The following DSCAML1 variants were observed in gnomAD, a reference collection of about 807,000 sequenced individuals.
DSCAML1 encodes the protein cell adhesion molecule DSCAML1.
A neutral mutation model predicts 200.5 loss-of-function variants in DSCAML1; 38 were observed. The ratio of observed to expected loss-of-function variants is 0.19; its 90% CI spans 0.15 to 0.25. The LOEUF (loss-of-function observed/expected upper bound fraction) is 0.25, where lower values mean the gene tolerates loss of function less well. Ranked by LOEUF, DSCAML1 falls within the 10% of genes least tolerant of loss-of-function variation. The pLI is 1.00. For missense variants in DSCAML1, 2,223 were observed against 2,858.8 expected (o/e 0.78, Z 5.07); for synonymous variants, 1,215 against 1,165.0 (o/e 1.04, Z -0.87).
intron 3 of DSCAML1, among the ~76,000 whole-genome samples, chr11:117,708,468 C>T (rs972600511): frequency 6.6e-6 from 1 of 152,200 alleles, no homozygotes; most frequent in Non-Finnish European, 1.5e-5. Context: ...TAACCTAAGC[C>T]TCAATTTTCT....
chr11:117,572,835 C>T (rs1853491198), intron 3 of DSCAML1, among the ~76,000 whole-genome samples: 2 of 152,180 alleles, frequency 1.3e-5, no homozygotes. Context: ...GCCCACCCTC[C>T]TGCCCTGGAG....
At chr11:117,600,096 G>C (rs931825827) in intron 3 of DSCAML1, among the ~76,000 whole-genome samples, 4 of 152,232 alleles carry the variant, frequency 2.6e-5, no homozygotes, top group Non-Finnish European at 2.9e-5. Flanking sequence ...AGAAGGGAAT[G>C]AGTCTTCATA....
chr11:117,660,016 A>C (rs976651390), intron 3 of DSCAML1, among the ~76,000 whole-genome samples: 1 of 151,906 alleles, frequency 6.6e-6, no homozygotes, highest in Non-Finnish European at 1.5e-5. Context: ...GAGCCACTAC[A>C]CCCGGCCTCT....
intron 3 of DSCAML1, among the ~76,000 whole-genome samples, chr11:117,732,718 C>T (rs558160120): frequency 6.6e-5 from 10 of 152,238 alleles, no homozygotes; most frequent in South Asian, 2.1e-4. Context: ...TCTCTCCTTC[C>T]GGAAAGAGCA....
intron 3 of DSCAML1, among the ~76,000 whole-genome samples, chr11:117,697,522 A>G (rs917513050): frequency 2.0e-5 from 3 of 152,180 alleles, no homozygotes; most frequent in African/African-American, 2.4e-5. Flanking sequence ...TTGTGCAATA[A>G]CCATCGTTAT....
At chr11:117,457,943 A>G (rs1193790786) in intron 19 of DSCAML1, among the ~76,000 whole-genome samples, 1 of 152,204 alleles carries the variant, frequency 6.6e-6, no homozygotes, top group Non-Finnish European at 1.5e-5. Flanking sequence ...CTCTTCTAGT[A>G]ACGGGGCACC....
chr11:117,474,757 CT>C (rs1203423601), intron 14 of DSCAML1, among the ~76,000 whole-genome samples: 2,746 of 141,188 alleles, frequency 0.019, 61 homozygotes, highest in African/African-American at 0.059. Context: ...TCCTTTTTTC[CT>C]TTTTTTTTTT....
At chr11:117,750,241 G>A (rs1412118361) in intron 3 of DSCAML1, among the ~76,000 whole-genome samples, 2 of 152,226 alleles carry the variant, frequency 1.3e-5, no homozygotes, top group East Asian at 1.9e-4. Flanking sequence ...CAGCCTGCAC[G>A]CTGCACACCC....
intron 11 of DSCAML1, among the ~76,000 whole-genome samples, chr11:117,490,713 G>C (rs567745336): frequency 1.3e-5 from 2 of 152,386 alleles, no homozygotes; most frequent in African/African-American, 4.8e-5. Context: ...CAGCTGGTGA[G>C]TGGCAGGAAG....
At chr11:117,737,140 T>C (rs2054331862) in intron 3 of DSCAML1, among the ~76,000 whole-genome samples, 1 of 152,204 alleles carries the variant, frequency 6.6e-6, no homozygotes, top group Admixed American at 6.5e-5. Context: ...CACGGTCCTA[T>C]GAATCGGGAA....
chr11:117,759,125 T>C (rs748746527), intron 3 of DSCAML1, among the ~76,000 whole-genome samples: 1 of 152,186 alleles, frequency 6.6e-6, no homozygotes, highest in Non-Finnish European at 1.5e-5. Context: ...CCTCACCCTG[T>C]AGCAGGATGC....
At chr11:117,578,258 A>AG (rs1166442597) in intron 3 of DSCAML1, among the ~76,000 whole-genome samples, 2 of 146,632 alleles carry the variant, frequency 1.4e-5, no homozygotes, top group Admixed American at 6.8e-5. Context: ...AAAAAAAAAG[A>AG]AGAAAAATCT....
chr11:117,686,251 A>C (rs2053399449), intron 3 of DSCAML1, among the ~76,000 whole-genome samples: 1 of 152,226 alleles, frequency 6.6e-6, no homozygotes, highest in Non-Finnish European at 1.5e-5. Context: ...AGGGTGTCCC[A>C]GTACTGACCT....
intron 11 of DSCAML1, among the ~76,000 whole-genome samples, chr11:117,484,177 C>T (rs1379858952): frequency 6.6e-6 from 1 of 152,138 alleles, no homozygotes; most frequent in Non-Finnish European, 1.5e-5. Context: ...TCCCAGCAAA[C>T]TCTCCAGGGA....
At chr11:117,696,830 A>G (rs1348513714) in intron 3 of DSCAML1, among the ~76,000 whole-genome samples, 1 of 152,134 alleles carries the variant, frequency 6.6e-6, no homozygotes, top group Non-Finnish European at 1.5e-5. Flanking sequence ...CTCACTTCCA[A>G]CATGTTCAAT....
chr11:117,720,569 A>G (rs2054026335), intron 3 of DSCAML1, among the ~76,000 whole-genome samples: 1 of 152,196 alleles, frequency 6.6e-6, no homozygotes, highest in Non-Finnish European at 1.5e-5. Context: ...TTGCACTTGC[A>G]AACTCCATGC....
intron 3 of DSCAML1, among the ~76,000 whole-genome samples, chr11:117,620,774 GAATTCC>G (rs1249597290): frequency 6.6e-6 from 1 of 152,198 alleles, no homozygotes; most frequent in Non-Finnish European, 1.5e-5. Flanking sequence ...TCAGACAGAT[GAATTCC>G]AATTCCCTTT....
chr11:117,640,285 G>T (rs990757465), intron 3 of DSCAML1, among the ~76,000 whole-genome samples: 1 of 152,188 alleles, frequency 6.6e-6, no homozygotes, highest in Non-Finnish European at 1.5e-5. Flanking sequence ...CCGTTCCATC[G>T]CTGAGCCAGC....
At chr11:117,746,221 C>CA (rs34362262) in intron 3 of DSCAML1, among the ~76,000 whole-genome samples, 1,494 of 66,770 alleles carry the variant, frequency 0.022, 262 homozygotes, top group African/African-American at 0.05. Flanking sequence ...GACTCTGTCT[C>CA]AAAAAAAAAA....
Sources: allele counts gnomAD v4.1 joint callset (sites outside exome capture counted in the v4.1 genomes callset), GRCh38; gene constraint gnomAD v4.1.1; transcripts MANE v1.5; gene names NCBI Gene and HGNC (gene_info 2026-07-23, HGNC 2026-07-21).